The following CYP4F12 variants were observed in gnomAD, a reference collection of about 807,000 sequenced individuals.
The protein encoded by CYP4F12 is cytochrome P450 4F12.
CYP4F12 carries 60 observed loss-of-function variants against 56.5 expected under a neutral mutation model. The observed-to-expected ratio is 1.06, with a 90% CI of 0.86 to 1.32. The LOEUF is 1.32. Ranked by LOEUF, CYP4F12 falls within the 40% of genes most tolerant of loss-of-function variation. CYP4F12 has a pLI of 0.00. For synonymous variants in CYP4F12, 263 were observed against 264.9 expected, an observed-to-expected ratio of 0.99 and a Z score of 0.07; for missense variants, 711 against 683.5, an observed-to-expected ratio of 1.04 and a Z score of -0.45.
intron 6 of CYP4F12, 118 bp downstream of exon 6, chr19:15,682,628 T>C: frequency 2.7e-6 from 4 of 1,462,644 alleles, no homozygotes; most frequent in Non-Finnish European, 3.8e-6. Context: ...ATCATAGCTG[T>C]GCTTTGAAGG....
rs763769923 is a variant in CYP4F12 at position 15,696,979 on chromosome 19, G to A, written c.1469G>A (p.Arg490Gln). 138 of 1,614,124 alleles carry A rather than the reference G, an allele frequency of 8.5e-5. No individual in the cohort carries two copies. Among genetic ancestry groups the A allele is most frequent in the Non-Finnish European group, 3.9e-5 (46 of 1,180,042 alleles). ...CTGGCGTTGATGCTGCTGCACTTCC[G>A]GTTCCTGCCAGACCACACTGAGCCC... is the stretch of plus-strand genomic sequence containing the variant. ...VVLALMLLHF[R>Q]FLPDHTEPRR... The change falls in exon 13 of 13, where the codon CGG (arginine) becomes CAG (glutamine). Residue 490 changes from arginine to glutamine, a missense_variant. By Grantham distance (43) the Arg-to-Gln change is conservative. Coordinates refer to ENST00000550308, the MANE Select transcript of CYP4F12 (RefSeq NM_023944.4).
At position 15,680,806 on chromosome 19, in the gene CYP4F12, A is replaced by T. The variant is rs563520947; in HGVS notation, c.525+287A>T. On this transcript the variant is annotated intron_variant, in intron 5 of 12. Coordinates refer to ENST00000550308, the MANE Select transcript of CYP4F12 (RefSeq NM_023944.4). ...GATTGTGTAGTAGTCATTGCTGATT[A>T]TAAACCACTTCAGAACTCATTGGCT... 2.8e-3 allele frequency: 1,228 copies of T among 442,658 alleles called. 13 individuals carry two copies. Among genetic ancestry groups the T allele is most frequent in the African/African-American group, 0.022 (1,097 of 50,462 alleles). The allele number at this position is 442,658 out of a possible 1,614,324, so 27.4% of individuals were successfully genotyped here.
Position 15,683,482 on chromosome 19 carries a change from T to G in CYP4F12, c.648-11T>G. On this transcript the variant is annotated splice_polypyrimidine_tract_variant and intron_variant, in intron 6 of 12. Coordinates refer to ENST00000550308, the MANE Select transcript of CYP4F12 (RefSeq NM_023944.4). ...TACATTGTTGCCTCCCTTTCTGCCCTTGCTCTGCAGGAGGCCCAGTGAATA... is the reference window on the plus strand; with the variant it reads ...TACATTGTTGCCTCCCTTTCTGCCCGTGCTCTGCAGGAGGCCCAGTGAATA... The G allele has an allele frequency of 1.3e-6, 2 of 1,579,090 alleles. No homozygotes were observed. Among genetic ancestry groups the G allele is most frequent in the African/African-American group, 1.4e-5 (1 of 73,882 alleles).
chr19:15,693,018 C>A (rs973555854), intron 9 of CYP4F12, among the ~76,000 whole-genome samples: 5 of 152,106 alleles, frequency 3.3e-5, no homozygotes, highest in African/African-American at 1.2e-4. Flanking sequence ...GTGGAGGTTG[C>A]AGTGAGACAA....
At chr19:15,684,602 GAGGCAAAGGATCTGGGGGA>G (rs568275177) in intron 7 of CYP4F12, 195 bp from the exon 8 acceptor site, 2 of 484,252 alleles carry the variant, frequency 4.1e-6, no homozygotes, top group East Asian at 6.5e-5. Context: ...GTCCAAAGAG[GAGGCAAAGGATCTGGGGGA>G]AGCCCTTGGA....
At chr19:15,687,134 G>A (rs372366450) in intron 9 of CYP4F12, among the ~76,000 whole-genome samples, 133 of 152,156 alleles carry the variant, frequency 8.7e-4, no homozygotes, top group African/African-American at 2.8e-3. Flanking sequence ...AAAATTAGCC[G>A]GGCGTGATGG....
rs754831729 is a variant in CYP4F12 at position 15,680,380 on chromosome 19, C to T, written c.398-12C>T. The T allele has an allele frequency of 1.5e-5, 25 of 1,613,976 alleles. No homozygotes were observed. Among genetic ancestry groups the T allele is most frequent in the Non-Finnish European group, 1.8e-5 (21 of 1,179,958 alleles). ...TGCTGCTCTTGCCCACTGTCCTTGG[C>T]TGCCCTACTAGGAGAAGGGATACTG... On this transcript the variant is annotated splice_polypyrimidine_tract_variant and intron_variant, in intron 4 of 12. Transcript: ENST00000550308.
intron 3 of CYP4F12, chr19:15,678,704 A>C: frequency 3.1e-6 from 1 of 327,430 alleles, no homozygotes; most frequent in Non-Finnish European, 5.8e-6. Flanking sequence ...GTATGACAAC[A>C]CAGAGAACTG....
Position 15,697,043 on chromosome 19 carries a change from G to T in CYP4F12, c.1533G>T (p.Gly511=), listed in dbSNP as rs778712967. 1 of 1,614,106 alleles carries T rather than the reference G, an allele frequency of 6.2e-7. No homozygotes were observed. Among genetic ancestry groups the T allele is most frequent in the Admixed American group, 1.7e-5 (1 of 60,028 alleles). ...KLELIMRAEG[G]LWLRVEPLNV... is the part of the protein sequence containing the mutation. ...AATTGATCATGCGCGCCGAGGGCGG[G>T]CTTTGGCTGCGGGTGGAGCCCCTGA... Residue 511 remains glycine (G), a synonymous_variant, in exon 13 of 13, where the codon GGG becomes GGT. Transcript: ENST00000550308.
rs763425307 is a variant in CYP4F12, at chr19:15,682,522, C to T, written c.647+12C>T. On this transcript the variant is annotated intron_variant, in intron 6 of 12. Coordinates refer to ENST00000550308, the MANE Select transcript of CYP4F12 (RefSeq NM_023944.4). ...AGCCATTGTCAGGAGTGAGTTCCTTCCTAGGGCCTGGGATATGAATCCATG... is the reference window on the plus strand; with the variant it reads ...AGCCATTGTCAGGAGTGAGTTCCTTTCTAGGGCCTGGGATATGAATCCATG... 2 of 1,612,610 alleles carry T rather than the reference C, an allele frequency of 1.2e-6. No individual in the cohort carries two copies. The highest frequency in any genetic ancestry group is 8.5e-7 in the Non-Finnish European group (1 of 1,179,026).
Position 15,697,125 on chromosome 19 carries a change from G to A in CYP4F12, c.*40G>A. ...CACCTGTTTTTTTGCAGATTGTCAT[G>A]AATAAAACGGTGCTGTCACCTCTGC... On this transcript the variant is annotated 3_prime_UTR_variant, in exon 13 of 13. Transcript: ENST00000550308. The A allele has an allele frequency of 6.3e-7, 1 of 1,586,722 alleles. No homozygotes were observed. The highest frequency in any genetic ancestry group is 1.7e-4 in the Middle Eastern group (1 of 5,950).
chr19:15,684,878 T>C lies in CYP4F12; in HGVS notation c.981T>C (p.Phe327=), dbSNP rs201042177. 3.7e-4 allele frequency: 587 copies of C among 1,605,124 alleles called. 2 individuals are homozygous for C. Among genetic ancestry groups the C allele is most frequent in the Middle Eastern group, 1.2e-3 (7 of 5,906 alleles). ...GAGCAGAGGCTGACACCTTCATGTT[T>C]GGAGGTGAGGGTCCCAGTGTGGGAC... is the stretch of plus-strand genomic sequence containing the variant. ...DIRAEADTFM[F]GGHDTTASGL... Residue 327 remains phenylalanine, a synonymous_variant, in exon 8 of 13, where the codon TTT becomes TTC. Transcript: ENST00000550308.
chr19:15,695,703 T>G (rs1302260090), intron 9 of CYP4F12, among the ~76,000 whole-genome samples: 1 of 152,250 alleles, frequency 6.6e-6, no homozygotes, highest in African/African-American at 2.4e-5. Context: ...TACCGCTGGC[T>G]TCTGGGTGTT....
Position 15,693,900 on chromosome 19 carries a change from T to C in CYP4F12, c.1116-2036T>C, listed in dbSNP as rs2007996210. On this transcript the variant is annotated intron_variant, in intron 9 of 12. Transcript: ENST00000550308. ...AGGAAGGGATCTAGTTTCAGCTTTC[T>C]ACATATGGCTAGCCAGTTTTCCCAG... Among the ~76,000 whole-genome samples the C allele has an allele frequency of 1.4e-5, 2 of 138,274 alleles. 1 individual carries two copies. Among genetic ancestry groups the C allele is most frequent in the African/African-American group, 5.7e-5 (2 of 34,966 alleles). The allele number at this position is 138,274 out of a possible 152,430, so 90.7% of individuals were successfully genotyped here.
intron 2 of CYP4F12, among the ~76,000 whole-genome samples, chr19:15,676,491 T>TCACTCATTCCTCTGCTCA (rs2006938479): frequency 8.5e-5 from 1 of 11,786 alleles, no homozygotes; most frequent in Non-Finnish European, 1.7e-4. Flanking sequence ...TCATTCCTTT[T>TCACTCATTCCTCTGCTCA]CTCACTCATT....
intron 5 of CYP4F12, 131 bp downstream of exon 5, chr19:15,680,650 T>C: frequency 1.6e-6 from 2 of 1,225,258 alleles, no homozygotes; most frequent in African/African-American, 1.5e-5. Context: ...CTTGGTTTCC[T>C]CATCTGTAAA....
rs755016017 is a variant in CYP4F12, at chr19:15,678,262, T to C, written c.200T>C (p.Ile67Thr). ...RNWFWGHLGL[I>T]TPTEEGLKNS... ...TGACAGCCCTTGACTTGCTTTCAGA[T>C]CACTCCTACAGAGGAGGGCTTGAAG... The change falls in exon 3 of 13, where the codon ATC becomes ACC. Residue 67 changes from isoleucine to threonine, a missense_variant and splice_region_variant. Coordinates refer to ENST00000550308, the MANE Select transcript of CYP4F12 (RefSeq NM_023944.4). 1 of 1,614,210 alleles carries C rather than the reference T, an allele frequency of 6.2e-7. No homozygotes were observed. Among genetic ancestry groups the C allele is most frequent in the Non-Finnish European group, 8.5e-7 (1 of 1,180,024 alleles).
intron 9 of CYP4F12, among the ~76,000 whole-genome samples, chr19:15,694,000 GA>G (rs1568426104): frequency 6.6e-6 from 1 of 151,378 alleles, no homozygotes; most frequent in Non-Finnish European, 1.5e-5. Context: ...GATAGTTGTA[GA>G]CATGTGGCAT....
chr19:15,673,557 G>T lies in CYP4F12; in HGVS notation c.28G>T (p.Gly10Cys). The T allele has an allele frequency of 6.2e-7, 1 of 1,613,960 alleles. No individual in the cohort carries two copies. The highest frequency in any genetic ancestry group is 8.5e-7 in the Non-Finnish European group (1 of 1,180,010). ...GTCGCTGCTGAGCCTGCCCTGGCTG[G>T]GCCTCAGACCGGTGGCAACGTCCCC... MSLLSLPWL[G>C]LRPVATSPWL... The change falls in exon 2 of 13, where the codon GGC becomes TGC. Residue 10 changes from glycine (G) to cysteine (C), a missense_variant. Coordinates refer to ENST00000550308, the MANE Select transcript of CYP4F12 (RefSeq NM_023944.4).
Sources: allele counts gnomAD v4.1 joint callset (sites outside exome capture counted in the v4.1 genomes callset), GRCh38; gene constraint gnomAD v4.1.1; transcripts MANE v1.5; gene names NCBI Gene and HGNC (gene_info 2026-07-23, HGNC 2026-07-21).